Variants in AFAP1L2 observed in about 807,000 individuals in gnomAD.
AFAP1L2 encodes actin filament-associated protein 1-like 2.
A neutral mutation model predicts 99.3 loss-of-function variants in AFAP1L2; 46 were observed. That is an observed-to-expected ratio of 0.46 (90% CI 0.37 to 0.59). The LOEUF is 0.59. Among genes scored for constraint, AFAP1L2 ranks in the 20% least tolerant of loss-of-function variants. AFAP1L2 has a pLI of 0.00. For synonymous variants in AFAP1L2, 397 were observed against 419.1 expected (o/e 0.95, Z 0.64); for missense variants, 959 against 1,034.9 (o/e 0.93, Z 1.01).
intron 1 of AFAP1L2, among the ~76,000 whole-genome samples, chr10:114,350,532 T>C (rs2050307394): frequency 6.6e-6 from 1 of 152,124 alleles, no homozygotes; most frequent in South Asian, 2.1e-4. Context: ...CTGCCTTCAC[T>C]AACGAAACCT....
At chr10:114,354,685 G>A (rs1419504993) in intron 1 of AFAP1L2, among the ~76,000 whole-genome samples, 6 of 152,160 alleles carry the variant, frequency 3.9e-5, no homozygotes, top group Non-Finnish European at 5.9e-5. Context: ...AAGCCATGAG[G>A]ATGCATAATT....
At chr10:114,285,118 G>A in the AFAP1L2 span, 39 of 601,128 alleles carry the variant, frequency 6.5e-5, no homozygotes, top group South Asian at 5.0e-4. Context: ...TGCAGTTCAC[G>A]TGGTGCAGCC....
intron 1 of AFAP1L2, among the ~76,000 whole-genome samples, chr10:114,369,370 C>T (rs908246157): frequency 7.6e-4 from 115 of 152,126 alleles, no homozygotes; most frequent in African/African-American, 1.8e-3. Context: ...CCGAGGCGGG[C>T]GGATCACGAG....
In AFAP1L2 at chr10:114,297,286, A is replaced by T; in HGVS notation, c.2241T>A (p.Ala747=). 1 of 1,614,024 alleles carries T rather than the reference A, an allele frequency of 6.2e-7. No individual in the cohort carries two copies. Among genetic ancestry groups the T allele is most frequent in the Non-Finnish European group, 8.5e-7 (1 of 1,180,024 alleles). The change falls in exon 17 of 19, where the codon GCT becomes GCA. Residue 747 remains alanine (A), a synonymous_variant. Coordinates refer to ENST00000304129, the MANE Select transcript of AFAP1L2 (RefSeq NM_001001936.3). ...IMEVKDNLKK[A]EAGPVTLGTT... ...TGCCTAACGTCACAGGCCCTGCCTCAGCCTTCTTCAGGTTGTCCTTCACCT... is the reference window on the plus strand; with the variant it reads ...TGCCTAACGTCACAGGCCCTGCCTCTGCCTTCTTCAGGTTGTCCTTCACCT...
At chr10:114,398,601 T>C (rs1267054135) in intron 1 of AFAP1L2, among the ~76,000 whole-genome samples, 1 of 152,274 alleles carries the variant, frequency 6.6e-6, no homozygotes. Flanking sequence ...AGATTAGTAA[T>C]CATTATTCTC....
intron 8 of AFAP1L2, 122 bp downstream of exon 8, chr10:114,310,232 G>T: frequency 1.9e-6 from 2 of 1,046,876 alleles, no homozygotes; most frequent in Non-Finnish European, 2.7e-6. Context: ...CCGGCCTCAA[G>T]CATTGTATGT....
At chr10:114,367,210 T>A (rs2053407603) in intron 1 of AFAP1L2, among the ~76,000 whole-genome samples, 1 of 152,140 alleles carries the variant, frequency 6.6e-6, no homozygotes, top group Non-Finnish European at 1.5e-5. Flanking sequence ...GGAGCCTTCT[T>A]GACAAAAGGC....
At chr10:114,355,186 C>T (rs1240090322) in intron 1 of AFAP1L2, among the ~76,000 whole-genome samples, 4 of 151,798 alleles carry the variant, frequency 2.6e-5, no homozygotes, top group African/African-American at 9.7e-5. Context: ...TGGAGTATAG[C>T]AGGCCTAGGG....
chr10:114,301,373 A>G lies in AFAP1L2; in HGVS notation c.1523T>C (p.Leu508Pro). 6.2e-7 allele frequency: 1 copy of G among 1,614,148 alleles called. No individual in the cohort carries two copies. The highest frequency in any genetic ancestry group is 8.5e-7 in the Non-Finnish European group (1 of 1,179,958). ...RQEELYDDVD[L>P]SELTAAVEPT... Reference sequence around the variant, plus strand: ...CCTTACCGCAGCTGTGAGCTCTGACAGGTCCACGTCGTCATACAGCTCCTC... The same window carrying G: ...CCTTACCGCAGCTGTGAGCTCTGACGGGTCCACGTCGTCATACAGCTCCTC... The change falls in exon 13 of 19, where the codon CTG (leucine) becomes CCG (proline). Residue 508 changes from leucine (L) to proline (P), a missense_variant. By Grantham distance (98) the Leu-to-Pro change is moderately conservative. This residue lies in a region of AFAP1L2 where 576 missense variants were observed against 562.1 expected (regional missense o/e 1.02). Coordinates refer to ENST00000304129, the MANE Select transcript of AFAP1L2 (RefSeq NM_001001936.3).
the AFAP1L2 span, chr10:114,281,669 T>G: frequency 1.1e-6 from 1 of 927,180 alleles, no homozygotes; most frequent in Non-Finnish European, 1.3e-6. Flanking sequence ...ACTTGTTGTG[T>G]GGACCAGATA....
chr10:114,340,594 C>T lies in AFAP1L2; in HGVS notation c.145+9G>A, dbSNP rs779196403. 6.2e-7 allele frequency: 1 copy of T among 1,613,408 alleles called. No individual in the cohort carries two copies. The highest frequency in any genetic ancestry group is 1.7e-5 in the Admixed American group (1 of 59,966). On this transcript the variant is annotated intron_variant, in intron 2 of 18. Coordinates refer to ENST00000304129, the MANE Select transcript of AFAP1L2 (RefSeq NM_001001936.3). ...GGAGGCCTCTGCACCACCCAGGGCC[C>T]ACACTCACTGCTGCTTTTGGTGTAA...
intron 5 of AFAP1L2, chr10:114,319,727 CAA>C: frequency 3.8e-6 from 4 of 1,061,456 alleles, no homozygotes; most frequent in Non-Finnish European, 5.1e-6. Context: ...TGCAGAGACA[CAA>C]AGAGAGAGAC....
chr10:114,394,158 G>T (rs185076508), intron 1 of AFAP1L2, among the ~76,000 whole-genome samples: 250 of 152,312 alleles, frequency 1.6e-3, no homozygotes, highest in Middle Eastern at 3.4e-3. Flanking sequence ...GACCGGCAAA[G>T]CCCCAGGGTT....
chr10:114,310,809 C>T (rs1271949236), intron 7 of AFAP1L2, among the ~76,000 whole-genome samples: 1 of 152,230 alleles, frequency 6.6e-6, no homozygotes. Context: ...CTGTTGCAGG[C>T]GTGATCAACA....
In AFAP1L2 at chr10:114,337,299, G is replaced by A. The variant is rs200686130; in HGVS notation, c.145+3304C>T. ...TGTTGGTAAAAAGGGAATACACTTT[G>A]GGATAAAGGATGAATGATGTCATCC... On this transcript the variant is annotated intron_variant, in intron 2 of 18. Transcript: ENST00000304129. 3.9e-5 allele frequency among the ~76,000 whole-genome samples: 6 copies of A among 152,338 alleles called. No individual in the cohort carries two copies. In the East Asian group the frequency reaches 1.2e-3, roughly 29 times the overall value.
chr10:114,401,881 A>T (rs2058265295), intron 1 of AFAP1L2, among the ~76,000 whole-genome samples: 1 of 152,212 alleles, frequency 6.6e-6, no homozygotes, highest in Non-Finnish European at 1.5e-5. Context: ...ATGGAAAGAC[A>T]ATTTCTCCTA....
chr10:114,302,259 C>T (rs1034277748), intron 12 of AFAP1L2, 80 bp downstream of exon 12: 1 of 1,580,398 alleles, frequency 6.3e-7, no homozygotes, highest in Non-Finnish European at 8.7e-7. Flanking sequence ...CTCCCTGCTG[C>T]CCCTGACTCT....
chr10:114,301,602 C>G (rs1182997867), intron 12 of AFAP1L2, 137 bp from the exon 13 acceptor site: 4 of 645,698 alleles, frequency 6.2e-6, no homozygotes, highest in Admixed American at 2.4e-5. Flanking sequence ...TGACACTCAC[C>G]TCCATGGATC....
At chr10:114,318,854 C>A (rs7082631) in intron 5 of AFAP1L2, among the ~76,000 whole-genome samples, 1 of 151,832 alleles carries the variant, frequency 6.6e-6, no homozygotes, top group African/African-American at 2.4e-5. Flanking sequence ...CAGCACACCA[C>A]AAACATTGCA....
Sources: allele counts gnomAD v4.1 joint callset (sites outside exome capture counted in the v4.1 genomes callset), GRCh38; gene constraint gnomAD v4.1.1; regional missense constraint gnomAD v4.1.1; transcripts MANE v1.5; gene names NCBI Gene and HGNC (gene_info 2026-07-23, HGNC 2026-07-21).